XRCC4: variants seen among roughly 807,000 people sequenced by gnomAD.
The protein encoded by XRCC4 is DNA repair protein XRCC4.
Under a neutral mutation model 39.1 loss-of-function variants are expected in XRCC4, and 28 were observed. The observed-to-expected ratio is 0.72, with a 90% CI of 0.53 to 0.98. The LOEUF (loss-of-function observed/expected upper bound fraction) is 0.98. Ranked by LOEUF, XRCC4 falls within the 50% of genes least tolerant of loss-of-function variation. XRCC4 has a pLI of 0.00. For synonymous variants in XRCC4, 123 were observed against 126.4 expected (o/e 0.97, Z 0.18); for missense variants, 350 against 376.4 (o/e 0.93, Z 0.58).
chr5:83,373,197 C>T, the XRCC4 span, among the ~76,000 whole-genome samples: 142 of 152,126 alleles, frequency 9.3e-4, no homozygotes, highest in African/African-American at 3.3e-3. Flanking sequence ...TGTTTCTAAT[C>T]CGTCTGCCCT....
intron 3 of XRCC4, among the ~76,000 whole-genome samples, chr5:83,121,887 G>A (rs1458101822): frequency 8.3e-6 from 1 of 120,468 alleles, no homozygotes; most frequent in Non-Finnish European, 1.8e-5. Context: ...GGTATGGGTT[G>A]AAGTTCATTT....
chr5:83,102,259 C>T (rs993300070), intron 1 of XRCC4, among the ~76,000 whole-genome samples: 101 of 152,020 alleles, frequency 6.6e-4, no homozygotes, highest in African/African-American at 2.4e-3. Flanking sequence ...ATTAATCAAA[C>T]TAGTGAGGGT....
intron 6 of XRCC4, among the ~76,000 whole-genome samples, chr5:83,229,854 GTTAAT>G (rs1752433883): frequency 6.6e-6 from 1 of 151,584 alleles, no homozygotes; most frequent in Admixed American, 6.6e-5. Flanking sequence ...TTATTAGAAA[GTTAAT>G]TTATTTTCAA....
intron 3 of XRCC4, among the ~76,000 whole-genome samples, chr5:83,180,125 T>C (rs369282163): frequency 7.2e-5 from 11 of 152,288 alleles, no homozygotes; most frequent in Admixed American, 1.3e-4. Context: ...TGCCCAGTTA[T>C]AGAAATGAGA....
intron 7 of XRCC4, among the ~76,000 whole-genome samples, chr5:83,348,390 C>T (rs1438616238): frequency 6.6e-6 from 1 of 152,256 alleles, no homozygotes; most frequent in Non-Finnish European, 1.5e-5. Flanking sequence ...CAAGCCTCAG[C>T]TCTTGCACTC....
At chr5:83,104,116 G>A (rs1406442410) in intron 1 of XRCC4, among the ~76,000 whole-genome samples, 1 of 152,134 alleles carries the variant, frequency 6.6e-6, no homozygotes, top group Non-Finnish European at 1.5e-5. Context: ...ATAATCTGAT[G>A]CAACTTATCT....
At chr5:83,302,431 T>G (rs1211646472) in intron 7 of XRCC4, among the ~76,000 whole-genome samples, 1 of 152,168 alleles carries the variant, frequency 6.6e-6, no homozygotes, top group African/African-American at 2.4e-5. Flanking sequence ...ATGGCTTCCC[T>G]TGGCTAGCGG....
At chr5:83,295,808 C>A (rs1256483462) in intron 7 of XRCC4, among the ~76,000 whole-genome samples, 1 of 151,892 alleles carries the variant, frequency 6.6e-6, no homozygotes, top group Non-Finnish European at 1.5e-5. Context: ...GCCTGGATGC[C>A]AAAATGAGAG....
intron 6 of XRCC4, among the ~76,000 whole-genome samples, chr5:83,224,557 A>G (rs185329018): frequency 6.6e-6 from 1 of 152,186 alleles, no homozygotes; most frequent in Non-Finnish European, 1.5e-5. Context: ...CAGCGGCACT[A>G]TAGCATTAGA....
rs1224741416 is a variant in XRCC4, at chr5:83,201,423, C to T, written c.483-2129C>T. 4 of 152,406 alleles carry T rather than the reference C, an allele frequency of 2.6e-5. No homozygotes were observed. In the South Asian group the frequency reaches 8.3e-4, roughly 32 times the overall value. 9.4% of individuals were successfully genotyped at this position (152,406 alleles called of 1,614,324 possible). On this transcript the variant is annotated intron_variant, in intron 4 of 7. Coordinates refer to ENST00000396027, the MANE Select transcript of XRCC4 (RefSeq NM_003401.5). ...AAAATGCCCCACATGAGGTTTCACA[C>T]CAAGTACAAGCTGGTAGGGGCTTCA...
At chr5:83,123,635 TTAAG>T (rs1327622795) in intron 3 of XRCC4, among the ~76,000 whole-genome samples, 3 of 152,204 alleles carry the variant, frequency 2.0e-5, no homozygotes, top group Non-Finnish European at 2.9e-5. Flanking sequence ...TTATTTTGGG[TTAAG>T]TATTTTTTAT....
chr5:83,122,011 T>C (rs764307120), intron 3 of XRCC4, among the ~76,000 whole-genome samples: 5 of 152,182 alleles, frequency 3.3e-5, no homozygotes, highest in African/African-American at 4.8e-5. Flanking sequence ...ATTGGGACTC[T>C]ATACTGCCCC....
intron 7 of XRCC4, among the ~76,000 whole-genome samples, chr5:83,278,671 C>T (rs965018321): frequency 6.6e-6 from 1 of 151,934 alleles, no homozygotes; most frequent in African/African-American, 2.4e-5. Context: ...CTACTTCAGT[C>T]CTTATGTTGT....
chr5:83,341,539 A>AT (rs1053044221), intron 7 of XRCC4, among the ~76,000 whole-genome samples: 9 of 152,222 alleles, frequency 5.9e-5, no homozygotes, highest in African/African-American at 1.4e-4. Context: ...GGGACCATAG[A>AT]TTTTTTTAGA....
chr5:83,264,634 C>T (rs1753890475), intron 7 of XRCC4, among the ~76,000 whole-genome samples: 2 of 152,072 alleles, frequency 1.3e-5, no homozygotes, highest in African/African-American at 2.4e-5. Flanking sequence ...GAGATGACCA[C>T]CGTTGAGACC....
chr5:83,226,053 C>G (rs1355114353), intron 6 of XRCC4, among the ~76,000 whole-genome samples: 3 of 151,872 alleles, frequency 2.0e-5, no homozygotes, highest in Non-Finnish European at 4.4e-5. Flanking sequence ...TTTTTTAAAG[C>G]CTCTTCTTTG....
Position 83,350,662 on chromosome 5 carries a change from T to G in XRCC4, c.894-2469T>G, listed in dbSNP as rs557593062. On this transcript the variant is annotated intron_variant, in intron 7 of 7. Coordinates refer to ENST00000396027, the MANE Select transcript of XRCC4 (RefSeq NM_003401.5). ...TTAAGTTCCATATAGATTCTGGATA[T>G]TAGACTTTTGACAGATGCATATTTT... is the stretch of plus-strand genomic sequence containing the variant. 2.0e-5 allele frequency among the ~76,000 whole-genome samples: 3 copies of G among 152,312 alleles called. No individual in the cohort carries two copies. The South Asian group carries it at 6.2e-4, about 32-fold the overall frequency.
chr5:83,142,622 A>G (rs1400118487), intron 3 of XRCC4, among the ~76,000 whole-genome samples: 2 of 152,186 alleles, frequency 1.3e-5, no homozygotes, highest in Non-Finnish European at 2.9e-5. Flanking sequence ...TCCACATGGA[A>G]TTAAGTTTGG....
intron 7 of XRCC4, among the ~76,000 whole-genome samples, chr5:83,321,364 A>G (rs1483656290): frequency 1.3e-5 from 2 of 152,132 alleles, no homozygotes; most frequent in Admixed American, 6.6e-5. Flanking sequence ...ATTTGCCACA[A>G]TTTTCATCAG....
Sources: gnomAD v4.1 joint callset for allele counts (sites outside exome capture counted in the v4.1 genomes callset) on GRCh38, gnomAD v4.1.1 for gene constraint, MANE v1.5 for transcripts, NCBI Gene and HGNC (gene_info 2026-07-23, HGNC 2026-07-21) for gene names.